The following COL25A1 variants were observed in gnomAD, a reference collection of about 807,000 sequenced individuals.
COL25A1 encodes the protein collagen type XXV alpha 1 chain, also known as collagen alpha-1(XXV) chain.
A neutral mutation model predicts 128.4 loss-of-function variants in COL25A1; 103 were observed. That is an observed-to-expected ratio of 0.80 (90% CI 0.68 to 0.94). The LOEUF (loss-of-function observed/expected upper bound fraction) is 0.94, where lower values mean the gene tolerates loss of function less well. Among genes scored for constraint, COL25A1 ranks in the 40% least tolerant of loss-of-function variants. COL25A1 has a pLI of 0.00. For missense variants in COL25A1, 745 were observed against 840.0 expected (o/e 0.89, Z 1.40); for synonymous variants, 279 against 277.2 (o/e 1.01, Z -0.06).
chr4:109,085,827 C>T lies in COL25A1; in HGVS notation c.368-35648G>A, dbSNP rs77613520. 8.1e-4 allele frequency among the ~76,000 whole-genome samples: 123 copies of T among 152,258 alleles called. 2 individuals are homozygous for T. The East Asian group carries it at 0.022, about 27-fold the overall frequency. ...GAATACTGCCTAGCCCATAAAAGTGCTCAATAAATATTTGTTAAAAGAATA... is the reference window on the plus strand; with the variant it reads ...GAATACTGCCTAGCCCATAAAAGTGTTCAATAAATATTTGTTAAAAGAATA... On this transcript the variant is annotated intron_variant, in intron 3 of 37. Transcript: ENST00000399132.
At chr4:109,235,162 C>T (rs1402770135) in intron 3 of COL25A1, among the ~76,000 whole-genome samples, 4 of 152,040 alleles carry the variant, frequency 2.6e-5, no homozygotes, top group Non-Finnish European at 5.9e-5. Flanking sequence ...TTTGACCCCA[C>T]TCAGAGATTG....
chr4:108,823,836 A>C, intron 35 of COL25A1: 51 of 1,058,104 alleles, frequency 4.8e-5, no homozygotes, highest in Middle Eastern at 3.6e-4. Context: ...GCCAAATACT[A>C]CTGCAGATTT....
intron 3 of COL25A1, among the ~76,000 whole-genome samples, chr4:109,065,543 C>T (rs890173): frequency 2.2e-4 from 29 of 131,216 alleles, no homozygotes; most frequent in African/African-American, 7.8e-4. Context: ...CGCGCGCGCG[C>T]GCGTGTGTGT....
intron 24 of COL25A1, among the ~76,000 whole-genome samples, chr4:108,853,472 T>A (rs1429759870): frequency 6.6e-6 from 1 of 152,106 alleles, no homozygotes; most frequent in African/African-American, 2.4e-5. Context: ...ATTCCAATTT[T>A]TTTGTGAACT....
At chr4:109,035,079 G>A (rs938908353) in intron 5 of COL25A1, among the ~76,000 whole-genome samples, 44 of 152,134 alleles carry the variant, frequency 2.9e-4, no homozygotes, top group Admixed American at 2.9e-3. Context: ...CCAGCATAGG[G>A]TGAGACAAGT....
At chr4:108,913,204 G>C (rs1744444645) in intron 13 of COL25A1, among the ~76,000 whole-genome samples, 1 of 148,628 alleles carries the variant, frequency 6.7e-6, no homozygotes, top group East Asian at 2.0e-4. Context: ...CAAGAGACAA[G>C]GATGTGAATT....
intron 3 of COL25A1, among the ~76,000 whole-genome samples, chr4:109,166,443 A>C (rs370744812): frequency 6.6e-6 from 1 of 152,182 alleles, no homozygotes; most frequent in South Asian, 2.1e-4. Flanking sequence ...TTTGGCTGAG[A>C]ATTCAACTGA....
At chr4:109,137,328 A>C (rs1464450169) in intron 3 of COL25A1, among the ~76,000 whole-genome samples, 1 of 152,236 alleles carries the variant, frequency 6.6e-6, no homozygotes, top group Non-Finnish European at 1.5e-5. Flanking sequence ...AAACTTAAGC[A>C]AACAACACTT....
intron 3 of COL25A1, among the ~76,000 whole-genome samples, chr4:109,055,458 A>G (rs922343485): frequency 2.6e-5 from 4 of 152,214 alleles, no homozygotes; most frequent in Admixed American, 1.3e-4. Flanking sequence ...CCACAGTCCC[A>G]CACAGCAGAT....
intron 3 of COL25A1, among the ~76,000 whole-genome samples, chr4:109,213,135 GA>G (rs1777708544): frequency 1.3e-5 from 2 of 152,138 alleles, no homozygotes; most frequent in African/African-American, 4.8e-5. Flanking sequence ...TGAATTTCTA[GA>G]ATACTAATTA....
chr4:109,068,164 A>T (rs1762617395), intron 3 of COL25A1, among the ~76,000 whole-genome samples: 1 of 152,162 alleles, frequency 6.6e-6, no homozygotes, highest in African/African-American at 2.4e-5. Flanking sequence ...CTCCTGTATT[A>T]TTGCTTTTTC....
At chr4:109,247,668 T>C (rs1039792192) in intron 3 of COL25A1, among the ~76,000 whole-genome samples, 1 of 152,168 alleles carries the variant, frequency 6.6e-6, no homozygotes, top group Non-Finnish European at 1.5e-5. Context: ...ATTTAGCAGA[T>C]GAAGTCAGTC....
intron 30 of COL25A1, among the ~76,000 whole-genome samples, chr4:108,842,486 A>T (rs929295321): frequency 4.6e-5 from 7 of 152,238 alleles, no homozygotes; most frequent in Non-Finnish European, 8.8e-5. Flanking sequence ...AAACCTTTCA[A>T]GTGATTTAAA....
At chr4:109,169,973 A>G (rs1208358139) in intron 3 of COL25A1, among the ~76,000 whole-genome samples, 1 of 152,152 alleles carries the variant, frequency 6.6e-6, no homozygotes, top group Non-Finnish European at 1.5e-5. Context: ...TGTATAATAT[A>G]TAATAAATGA....
intron 6 of COL25A1, among the ~76,000 whole-genome samples, chr4:109,007,602 A>C (rs1756154235): frequency 6.6e-6 from 1 of 152,172 alleles, no homozygotes; most frequent in African/African-American, 2.4e-5. Flanking sequence ...GACATTTTAA[A>C]CTAAATGATC....
At chr4:109,082,780 T>C (rs908202394) in intron 3 of COL25A1, among the ~76,000 whole-genome samples, 5 of 152,138 alleles carry the variant, frequency 3.3e-5, no homozygotes, top group African/African-American at 7.2e-5. Flanking sequence ...AAAACTTTTA[T>C]TTTAGGTTCG....
At chr4:109,186,933 A>T (rs1775194292) in intron 3 of COL25A1, among the ~76,000 whole-genome samples, 1 of 152,152 alleles carries the variant, frequency 6.6e-6, no homozygotes, top group African/African-American at 2.4e-5. Context: ...AATTCAAACT[A>T]TTGATGGTCT....
intron 3 of COL25A1, among the ~76,000 whole-genome samples, chr4:109,071,674 G>C (rs1762985108): frequency 6.6e-6 from 1 of 152,132 alleles, no homozygotes; most frequent in African/African-American, 2.4e-5. Flanking sequence ...AGACATTTAT[G>C]CAGCCAAAAG....
rs56845799 is a variant in COL25A1 at position 109,006,378 on chromosome 4, A to ATTTTTTTTTTTTTTTTTTTTTTTTTT, written c.438+3954_438+3979dup. Among the ~76,000 whole-genome samples the ATTTTTTTTTTTTTTTTTTTTTTTTTT allele has an allele frequency of 2.5e-4, 13 of 51,876 alleles. 2 individuals carry two copies. Among genetic ancestry groups the ATTTTTTTTTTTTTTTTTTTTTTTTTT allele is most frequent in the African/African-American group, 3.9e-4 (5 of 12,766 alleles). The allele number at this position is 51,876 out of a possible 152,430, so 34.0% of individuals were successfully genotyped here. A position where few individuals can be genotyped will look rare whatever the true frequency, so the allele number is the denominator to read the frequency against. ...AGGTGTGCACTGCCACACCCAGCTA[A>ATTTTTTTTTTTTTTTTTTTTTTTTTT]TTTTTTTTTTTTTTTTTTTTTTTTT... is the stretch of plus-strand genomic sequence containing the variant. On this transcript the variant is annotated intron_variant, in intron 6 of 37. Transcript: ENST00000399132.
Sources: gnomAD v4.1 joint callset for allele counts (sites outside exome capture counted in the v4.1 genomes callset) on GRCh38, gnomAD v4.1.1 for gene constraint, MANE v1.5 for transcripts, NCBI Gene and HGNC (gene_info 2026-07-23, HGNC 2026-07-21) for gene names.